Variants in GLB1 observed in about 807,000 individuals in gnomAD.
The protein encoded by GLB1 is beta-galactosidase.
In GLB1, 56 loss-of-function variants were observed where a neutral mutation model predicts 74.0. The ratio of observed to expected loss-of-function variants is 0.76; its 90% CI spans 0.61 to 0.94. The LOEUF (loss-of-function observed/expected upper bound fraction) is 0.94, where lower values mean the gene tolerates loss of function less well. Ranked by LOEUF, GLB1 falls within the 40% of genes least tolerant of loss-of-function variation. GLB1 has a pLI of 0.00. For missense variants in GLB1, 787 were observed against 845.5 expected (o/e 0.93, Z 0.86); for synonymous variants, 323 against 323.6 (o/e 1.00, Z 0.02).
intron 10 of GLB1, among the ~76,000 whole-genome samples, chr3:33,031,284 T>C (rs1258933710): frequency 6.6e-6 from 1 of 152,146 alleles, no homozygotes; most frequent in Admixed American, 6.5e-5. Context: ...CTTTACTTGA[T>C]GCAAGCAAAT....
chr3:32,986,568 T>C, the GLB1 span, among the ~76,000 whole-genome samples: 1 of 151,582 alleles, frequency 6.6e-6, no homozygotes, highest in African/African-American at 2.4e-5. Flanking sequence ...CTCTCTTAGT[T>C]CTGGCCATCT....
In GLB1 at chr3:32,997,030, C is replaced by T. The variant is rs1696329166; in HGVS notation, c.*15G>A. 6.2e-7 allele frequency: 1 copy of T among 1,614,126 alleles called. No individual in the cohort carries two copies. Among genetic ancestry groups the T allele is most frequent in the East Asian group, 2.2e-5 (1 of 44,878 alleles). ...TGTTCAGGGTAGAATCCCTCAAAGA[C>T]ACAGGCTTTCATCATCATACATGGT... On this transcript the variant is annotated 3_prime_UTR_variant, in exon 16 of 16. Transcript: ENST00000307363.
At chr3:33,079,719 T>C (rs1700256024) in intron 1 of GLB1, among the ~76,000 whole-genome samples, 1 of 152,172 alleles carries the variant, frequency 6.6e-6, no homozygotes, top group African/African-American at 2.4e-5. Context: ...TGTGAAATGA[T>C]CTCCGATGGA....
chr3:33,044,027 C>T (rs1402141852), intron 10 of GLB1, among the ~76,000 whole-genome samples: 1 of 152,096 alleles, frequency 6.6e-6, no homozygotes, highest in Non-Finnish European at 1.5e-5. Flanking sequence ...AAATAGTAGA[C>T]TGAACTGACA....
chr3:33,020,536 T>C (rs1248888735), intron 12 of GLB1, among the ~76,000 whole-genome samples: 1 of 152,178 alleles, frequency 6.6e-6, no homozygotes, highest in Non-Finnish European at 1.5e-5. Context: ...CTGAATCTAA[T>C]TAGTGAGGCA....
intron 1 of GLB1, among the ~76,000 whole-genome samples, chr3:33,081,066 A>G (rs1460465226): frequency 2.0e-5 from 3 of 152,210 alleles, no homozygotes; most frequent in African/African-American, 7.2e-5. Flanking sequence ...GGTGGGGGTC[A>G]CTGGTCATTG....
rs567654582 is a variant in GLB1 at position 33,078,912 on chromosome 3, T to C, written c.76-6199A>G. ...AGGCTGGAGTGCAATGGCTCAATCA[T>C]ATCTCATGGCAGTCTTGAACTCCTG... On this transcript the variant is annotated intron_variant, in intron 1 of 15. Transcript: ENST00000307363. Among the ~76,000 whole-genome samples, 4 of 152,184 alleles carry C rather than the reference T, an allele frequency of 2.6e-5. No homozygotes were observed. In the South Asian group the frequency reaches 6.2e-4, roughly 24 times the overall value.
chr3:33,070,875 A>C (rs1699864579), intron 2 of GLB1, among the ~76,000 whole-genome samples: 1 of 152,194 alleles, frequency 6.6e-6, no homozygotes, highest in South Asian at 2.1e-4. Flanking sequence ...TAAAAATAAA[A>C]ATTATATATG....
chr3:33,083,397 C>CAA (rs60737086), intron 1 of GLB1, among the ~76,000 whole-genome samples: 48,902 of 103,758 alleles, frequency 0.47, 13,230 homozygotes, highest in Non-Finnish European at 0.61. Flanking sequence ...AACTCTGTCT[C>CAA]AAAAAAAAAA....
chr3:32,986,717 A>C, the GLB1 span, among the ~76,000 whole-genome samples: 1 of 151,830 alleles, frequency 6.6e-6, no homozygotes, highest in Non-Finnish European at 1.5e-5. Flanking sequence ...CAGCCTCCCA[A>C]GTAGCTGGGA....
intron 3 of GLB1, 127 bp from the exon 4 acceptor site, chr3:33,068,417 G>A: frequency 5.4e-6 from 7 of 1,307,262 alleles, no homozygotes; most frequent in Non-Finnish European, 7.2e-6. Context: ...TTTGAGCTGG[G>A]CTTTTTGGTT....
At chr3:32,991,655 C>T (rs959974657), downstream of GLB1, among the ~76,000 whole-genome samples, 4 of 152,194 alleles carry the variant, frequency 2.6e-5, no homozygotes, top group African/African-American at 7.2e-5. Flanking sequence ...TGGAACATGC[C>T]ATCAGAACCC....
At chr3:33,009,067 C>T (rs1437967702) in intron 15 of GLB1, among the ~76,000 whole-genome samples, 1 of 151,046 alleles carries the variant, frequency 6.6e-6, no homozygotes, top group Non-Finnish European at 1.5e-5. Flanking sequence ...TGCAGTGAGC[C>T]AAGATTGTGC....
intron 1 of GLB1, chr3:33,092,469 C>G: frequency 1.9e-6 from 2 of 1,029,156 alleles, no homozygotes; most frequent in Non-Finnish European, 2.3e-6. Context: ...TCCTGCTCCT[C>G]CCCGCCCCAC....
chr3:33,033,175 C>CA (rs746335357), intron 10 of GLB1, among the ~76,000 whole-genome samples: 2 of 152,172 alleles, frequency 1.3e-5, no homozygotes, highest in Non-Finnish European at 2.9e-5. Flanking sequence ...TAAAGGCACC[C>CA]AGCCCCGGAA....
the GLB1 span, among the ~76,000 whole-genome samples, chr3:32,964,976 C>A: frequency 6.6e-6 from 1 of 152,206 alleles, no homozygotes; most frequent in Non-Finnish European, 1.5e-5. Flanking sequence ...TGCCTGCTGT[C>A]ATGTAAGATG....
At position 32,996,834 on chromosome 3, in the gene GLB1, AC is replaced by A. The variant is rs1660886024; in HGVS notation, c.*210del. On this transcript the variant is annotated 3_prime_UTR_variant, in exon 16 of 16. Transcript: ENST00000307363. The stretch of plus-strand genomic sequence containing the variant: ...ATTCCAGCCCTGCAGATATGTATGC[AC>A]GTTACTGTGCTGTCAGCCCCTCACA... 1.3e-6 allele frequency: 1 copy of A among 749,590 alleles called. No individual in the cohort carries two copies. The highest frequency in any genetic ancestry group is 2.8e-5 in the East Asian group (1 of 35,792). The allele number at this position is 749,590 out of a possible 1,614,324, so 46.4% of individuals were successfully genotyped here.
chr3:33,009,073 T>A (rs747544460), intron 15 of GLB1, among the ~76,000 whole-genome samples: 7 of 150,530 alleles, frequency 4.7e-5, no homozygotes, highest in Non-Finnish European at 8.9e-5. Context: ...GAGCCAAGAT[T>A]GTGCCACTGT....
the GLB1 span, among the ~76,000 whole-genome samples, chr3:32,974,638 G>A: frequency 6.6e-6 from 1 of 152,158 alleles, no homozygotes; most frequent in Admixed American, 6.5e-5. Flanking sequence ...AAGGCCTAAG[G>A]ACCAGTAGAG....
Sources: allele counts gnomAD v4.1 joint callset (sites outside exome capture counted in the v4.1 genomes callset), GRCh38; gene constraint gnomAD v4.1.1; transcripts MANE v1.5; gene names NCBI Gene and HGNC (gene_info 2026-07-23, HGNC 2026-07-21).